The following LIMCH1 variants were observed in gnomAD, a reference collection of about 807,000 sequenced individuals.
LIMCH1 encodes LIM and calponin homology domains-containing protein 1.
Under a neutral mutation model 176.5 loss-of-function variants are expected in LIMCH1, and 113 were observed. The ratio of observed to expected loss-of-function variants is 0.64; its 90% CI spans 0.55 to 0.75. LIMCH1 has a LOEUF of 0.75. LIMCH1 is among the 30% of genes least tolerant of loss of function. The pLI is 0.00. For synonymous variants in LIMCH1, 619 were observed against 645.9 expected, an observed-to-expected ratio of 0.96 and a Z score of 0.63; for missense variants, 1,674 against 1,814.9, an observed-to-expected ratio of 0.92 and a Z score of 1.41.
rs775649861 is a variant in LIMCH1, at chr4:41,662,927, C to G, written c.3234C>G (p.Asp1078Glu). ...QLKNDVSEEK[D>E]QKKPENEMSG... ...AGAATGATGTGTCGGAAGAAAAAGA[C>G]CAGAAGAAACCAGAAAATGAAATGA... The change falls in exon 20 of 32, where the codon GAC becomes GAG. Residue 1078 changes from aspartate (D) to glutamate (E), a missense_variant. Coordinates refer to ENST00000503057, the MANE Select transcript of LIMCH1 (RefSeq NM_001330672.2). The G allele has an allele frequency of 3.1e-6, 5 of 1,613,818 alleles. No individual in the cohort carries two copies. The highest frequency in any genetic ancestry group is 2.5e-6 in the Non-Finnish European group (3 of 1,179,986).
intron 1 of LIMCH1, among the ~76,000 whole-genome samples, chr4:41,442,107 C>T (rs572985945): frequency 4.3e-4 from 65 of 152,038 alleles, no homozygotes; most frequent in Non-Finnish European, 6.9e-4. Flanking sequence ...CAAGACCAGT[C>T]TGGGCAACAT....
In LIMCH1 at chr4:41,697,368, T is replaced by G. The variant is rs1016884296; in HGVS notation, c.*183T>G. 1.8e-6 allele frequency: 1 copy of G among 559,730 alleles called. No individual in the cohort carries two copies. 34.7% of individuals were successfully genotyped at this position (559,730 alleles called of 1,614,324 possible). On this transcript the variant is annotated 3_prime_UTR_variant, in exon 32 of 32. Transcript: ENST00000503057. ...TTTATGTTTTTCCTGTTTATTGTTT[T>G]GGTTTTTTTTTTTTTTTTGCATTTG... is the stretch of plus-strand genomic sequence containing the variant.
At position 41,650,579 on chromosome 4, in the gene LIMCH1, A is replaced by C; in HGVS notation, c.3007A>C (p.Lys1003Gln). The change falls in exon 18 of 32, where the codon AAG (lysine) becomes CAG (glutamine). Residue 1003 changes from lysine (K) to glutamine (Q), a missense_variant. Lys to Gln is a moderately conservative substitution (Grantham distance 53). Around this residue, in one of 3 missense-constraint regions of LIMCH1, gnomAD observed 1,015 missense variants for 1,102.5 expected, o/e 0.92. Coordinates refer to ENST00000503057, the MANE Select transcript of LIMCH1 (RefSeq NM_001330672.2). ...CGGTAGCATCGAGATCAACATAAAG[A>C]AGCCAAACTCTGTTCCCCAAGAGCT... ...DNGSIEINIK[K>Q]PNSVPQELAA... 1 of 1,613,944 alleles carries C rather than the reference A, an allele frequency of 6.2e-7. No individual in the cohort carries two copies. Among genetic ancestry groups the C allele is most frequent in the Non-Finnish European group, 8.5e-7 (1 of 1,179,966 alleles).
At chr4:41,360,260 G>A (rs894469117), upstream of LIMCH1, among the ~76,000 whole-genome samples, 5 of 147,882 alleles carry the variant, frequency 3.4e-5, no homozygotes, top group African/African-American at 1.2e-4. The surrounding 1 kb of genome is among the most constrained non-coding windows in gnomAD (Gnocchi z 4.5). Flanking sequence ...GGGCTGCCCC[G>A]CCTTGCCCCT....
intron 1 of LIMCH1, among the ~76,000 whole-genome samples, chr4:41,469,651 A>G (rs891996979): frequency 7.6e-5 from 9 of 119,090 alleles, no homozygotes; most frequent in Non-Finnish European, 1.0e-4. Flanking sequence ...GGATTATGTC[A>G]TAGCTTGTTT....
At chr4:41,378,443 A>G (rs777910261) in intron 1 of LIMCH1, among the ~76,000 whole-genome samples, 17 of 152,216 alleles carry the variant, frequency 1.1e-4, no homozygotes, top group Admixed American at 2.0e-4. Context: ...ATAAATTAAT[A>G]TACTCAGTGC....
chr4:41,460,863 G>A lies in LIMCH1; in HGVS notation c.97-33673G>A, dbSNP rs574944314. On this transcript the variant is annotated intron_variant, in intron 1 of 26. Transcript: ENST00000313860. ...GGCAAGGAAATGCCTGCTCTGATGA[G>A]CTTCCTGCTGTCCTCAGTTCCCCTG... 9.9e-5 allele frequency among the ~76,000 whole-genome samples: 15 copies of A among 152,284 alleles called. No homozygotes were observed. In the East Asian group the frequency reaches 2.5e-3, roughly 26 times the overall value.
chr4:41,632,873 G>A lies in LIMCH1; in HGVS notation c.1720+6G>A, dbSNP rs1422923169. On this transcript the variant is annotated splice_donor_region_variant and intron_variant, in intron 11 of 31. Transcript: ENST00000503057. ...CCCGAGGGGGACAGAGGAAGGTGAG[G>A]AGCAGTGTTTCCTGCCTTCCCGGGA... 6.5e-7 allele frequency: 1 copy of A among 1,535,066 alleles called. No individual in the cohort carries two copies. The highest frequency in any genetic ancestry group is 8.7e-7 in the Non-Finnish European group (1 of 1,145,960).
At chr4:41,627,709 T>C (rs1183861604) in intron 8 of LIMCH1, among the ~76,000 whole-genome samples, 3 of 152,202 alleles carry the variant, frequency 2.0e-5, no homozygotes, top group Non-Finnish European at 4.4e-5. Flanking sequence ...GACCAGTGAT[T>C]TTTGTCCTGA....
chr4:41,366,158 T>A (rs74879050), intron 1 of LIMCH1, among the ~76,000 whole-genome samples: 18,723 of 152,270 alleles, frequency 0.12, 1,212 homozygotes, highest in Middle Eastern at 0.15. Context: ...GATAACATGA[T>A]GATAAAAATT....
At chr4:41,547,669 CAT>C (rs2079678532) in intron 1 of LIMCH1, among the ~76,000 whole-genome samples, 1 of 142,986 alleles carries the variant, frequency 7.0e-6, no homozygotes, top group African/African-American at 2.6e-5. Flanking sequence ...TAAATATATA[CAT>C]ATATAATATA....
At chr4:41,493,239 T>G (rs2071420382) in intron 1 of LIMCH1, among the ~76,000 whole-genome samples, 1 of 152,156 alleles carries the variant, frequency 6.6e-6, no homozygotes, top group African/African-American at 2.4e-5. Context: ...GTTTTTCTAT[T>G]TGCTCCTTCT....
At chr4:41,573,008 T>G (rs558784123) in intron 1 of LIMCH1, among the ~76,000 whole-genome samples, 107 of 152,340 alleles carry the variant, frequency 7.0e-4, no homozygotes, top group African/African-American at 2.4e-3. Context: ...AAGGAAAATC[T>G]CCAAGTAATG....
At chr4:41,487,741 C>G (rs1157966398) in intron 1 of LIMCH1, among the ~76,000 whole-genome samples, 1 of 145,438 alleles carries the variant, frequency 6.9e-6, no homozygotes, top group Non-Finnish European at 1.5e-5. Context: ...TCACTGCAAG[C>G]TCCACCTCCT....
At position 41,577,620 on chromosome 4, in the gene LIMCH1, G is replaced by A. The variant is rs996811705; in HGVS notation, c.-240-21300G>A. On this transcript the variant is annotated intron_variant, in intron 1 of 31. Transcript: ENST00000503057. ...AGTTTTAAAATTTTTTGTAGAGATG[G>A]GGTCACCCTATGTTGCTCAGGCTGT... 2.6e-5 allele frequency among the ~76,000 whole-genome samples: 4 copies of A among 151,992 alleles called. No homozygotes were observed. In the South Asian group the frequency reaches 8.3e-4, roughly 32 times the overall value.
chr4:41,417,598 G>A (rs932904802), intron 1 of LIMCH1, among the ~76,000 whole-genome samples: 1 of 152,098 alleles, frequency 6.6e-6, no homozygotes, highest in African/African-American at 2.4e-5. Flanking sequence ...TTGGCTCACT[G>A]CAATCTCCAC....
At chr4:41,637,244 A>G (rs147285250) in intron 13 of LIMCH1, among the ~76,000 whole-genome samples, 2,423 of 152,216 alleles carry the variant, frequency 0.016, 25 homozygotes, top group South Asian at 0.049. Context: ...GCTGGAGTAC[A>G]GTGGCGTGAT....
At chr4:41,468,060 G>A (rs755933622) in intron 1 of LIMCH1, among the ~76,000 whole-genome samples, 2 of 152,146 alleles carry the variant, frequency 1.3e-5, no homozygotes, top group Non-Finnish European at 2.9e-5. Flanking sequence ...GTTCAGTATA[G>A]CAAGCCCACA....
At chr4:41,608,335 A>G (rs888361898) in intron 4 of LIMCH1, among the ~76,000 whole-genome samples, 2 of 152,208 alleles carry the variant, frequency 1.3e-5, no homozygotes, top group African/African-American at 4.8e-5. Flanking sequence ...GAACTTGGTC[A>G]TGCATCCATA....
Sources: gnomAD v4.1 joint callset for allele counts (sites outside exome capture counted in the v4.1 genomes callset) on GRCh38, gnomAD v4.1.1 for gene constraint, gnomAD v4.1.1 regional missense constraint, Gnocchi (gnomAD v3.1) non-coding constraint, MANE v1.5 for transcripts, NCBI Gene and HGNC (gene_info 2026-07-23, HGNC 2026-07-21) for gene names.